Variants in HDAC9 observed in about 807,000 individuals in gnomAD.
HDAC9 encodes the protein histone deacetylase 9, also known as MEF-2 interacting transcription repressor (MITR) protein.
In HDAC9, 41 loss-of-function variants were observed where a neutral mutation model predicts 139.4. The ratio of observed to expected loss-of-function variants is 0.29; its 90% CI spans 0.23 to 0.38. The LOEUF (loss-of-function observed/expected upper bound fraction) is 0.38, where lower values mean the gene tolerates loss of function less well. Ranked by LOEUF, HDAC9 falls within the 10% of genes least tolerant of loss-of-function variation. The probability of loss-of-function intolerance (pLI) is 1.00; values close to 1 mark genes in which losing one functional copy is unlikely to be tolerated. For synonymous variants in HDAC9, 517 were observed against 476.2 expected (o/e 1.09, Z -1.12); for missense variants, 1,147 against 1,297.0 (o/e 0.88, Z 1.78).
At chr7:18,386,695 T>G (rs1217374642) in intron 1 of HDAC9, among the ~76,000 whole-genome samples, 2 of 152,338 alleles carry the variant, frequency 1.3e-5, no homozygotes, top group East Asian at 3.9e-4. Context: ...TCATCACGAT[T>G]AAACCATAGC....
chr7:18,363,155 A>G (rs1783914412), intron 1 of HDAC9, among the ~76,000 whole-genome samples: 1 of 152,218 alleles, frequency 6.6e-6, no homozygotes, highest in South Asian at 2.1e-4. Flanking sequence ...AAGGAAGGCT[A>G]GGATTTAATA....
intron 12 of HDAC9, among the ~76,000 whole-genome samples, chr7:18,690,772 A>G (rs946300209): frequency 6.6e-6 from 1 of 152,030 alleles, no homozygotes; most frequent in Non-Finnish European, 1.5e-5. Context: ...TGCAAACAAG[A>G]CGTACGGCAT....
chr7:18,353,579 G>A (rs1217131580), intron 1 of HDAC9, among the ~76,000 whole-genome samples: 1 of 152,138 alleles, frequency 6.6e-6, no homozygotes. Context: ...TATTCCCTGA[G>A]TGCAAATGAA....
Position 18,591,613 on chromosome 7 carries a change from C to T in HDAC9, c.513C>T (p.Ser171=), listed in dbSNP as rs757411806. ...CTCCAACTAATGGAAAAAATCATTC[C>T]GTGAGCCGCCATCCCAAGCTCTGGT... is the stretch of plus-strand genomic sequence containing the variant. ...KDTPTNGKNH[S]VSRHPKLWYT... is the part of the protein sequence containing the mutation. The change falls in exon 5 of 26, where the codon TCC becomes TCT. Residue 171 remains serine (S), a synonymous_variant. Coordinates refer to ENST00000686413, the MANE Select transcript of HDAC9 (RefSeq NM_178425.4). 8.1e-6 allele frequency: 13 copies of T among 1,612,932 alleles called. No homozygotes were observed. Among genetic ancestry groups the T allele is most frequent in the Middle Eastern group, 1.6e-4 (1 of 6,078 alleles).
chr7:18,800,595 G>A (rs1260788397), intron 17 of HDAC9, among the ~76,000 whole-genome samples: 5 of 152,154 alleles, frequency 3.3e-5, no homozygotes, highest in African/African-American at 4.8e-5. Context: ...CACTTAAGGA[G>A]GCTGAAGTGG....
chr7:18,265,250 T>A (rs1795923099), intron 2 of HDAC9, among the ~76,000 whole-genome samples: 1 of 152,200 alleles, frequency 6.6e-6, no homozygotes, highest in Non-Finnish European at 1.5e-5. Flanking sequence ...TTGATGCACT[T>A]TCAATTATAA....
intron 12 of HDAC9, among the ~76,000 whole-genome samples, chr7:18,675,778 C>G: frequency 6.6e-6 from 1 of 152,002 alleles, no homozygotes; most frequent in East Asian, 1.9e-4. Flanking sequence ...AGGGTTGATT[C>G]AGCTGCAGCC....
intron 13 of HDAC9, among the ~76,000 whole-genome samples, chr7:18,729,747 A>C (rs967705199): frequency 6.6e-6 from 1 of 152,210 alleles, no homozygotes; most frequent in Non-Finnish European, 1.5e-5. Flanking sequence ...CAAATAGGAA[A>C]GTGAACTTAA....
chr7:18,845,651 G>A (rs137909281), intron 21 of HDAC9, among the ~76,000 whole-genome samples: 1 of 152,148 alleles, frequency 6.6e-6, no homozygotes, highest in African/African-American at 2.4e-5. Flanking sequence ...TGGTCTCATA[G>A]TTCTTTTTCA....
chr7:18,237,336 A>G (rs1306982175), intron 2 of HDAC9, among the ~76,000 whole-genome samples: 2 of 152,244 alleles, frequency 1.3e-5, no homozygotes, highest in Non-Finnish European at 2.9e-5. Flanking sequence ...TAAATTACCA[A>G]CTGCAATTTA....
At chr7:18,670,325 T>C (rs574401778) in intron 12 of HDAC9, among the ~76,000 whole-genome samples, 4 of 152,124 alleles carry the variant, frequency 2.6e-5, no homozygotes, top group East Asian at 3.9e-4. Flanking sequence ...CAAAGGAAAT[T>C]TGGAATGTGA....
chr7:18,412,707 T>G lies in HDAC9; in HGVS notation c.-41-83555T>G, dbSNP rs1788687353. On this transcript the variant is annotated intron_variant, in intron 1 of 3. Coordinates refer to the HDAC9 transcript ENST00000413509. The stretch of plus-strand genomic sequence containing the variant: ...AAAACAAAGTGAATGTTATTCATAA[T>G]AAAAAGTATATGCCACATGCAACAG... Among the ~76,000 whole-genome samples, 3 of 152,144 alleles carry G rather than the reference T, an allele frequency of 2.0e-5. No individual in the cohort carries two copies. In the South Asian group the frequency reaches 6.2e-4, roughly 31 times the overall value.
At position 18,675,580 on chromosome 7, in the gene HDAC9, C is replaced by G. The variant is rs1038388705; in HGVS notation, c.1731+9104C>G. On this transcript the variant is annotated intron_variant, in intron 12 of 25. Transcript: ENST00000686413. The stretch of plus-strand genomic sequence containing the variant: ...TTTGTTCTCCTTGGTAGGAGCTGAC[C>G]TTACACTCAATATCAATCTTTAATA... Among the ~76,000 whole-genome samples, 3 of 151,942 alleles carry G rather than the reference C, an allele frequency of 2.0e-5. No homozygotes were observed. The South Asian group carries it at 6.2e-4, about 32-fold the overall frequency.
At chr7:18,200,332 A>G (rs1278572074) in intron 2 of HDAC9, among the ~76,000 whole-genome samples, 1 of 152,070 alleles carries the variant, frequency 6.6e-6, no homozygotes, top group Non-Finnish European at 1.5e-5. Context: ...TCTTATATAA[A>G]CCTCCATTTG....
intron 1 of HDAC9, among the ~76,000 whole-genome samples, chr7:18,303,933 C>G (rs1414953434): frequency 6.6e-6 from 1 of 152,202 alleles, no homozygotes; most frequent in African/African-American, 2.4e-5. Flanking sequence ...TGCTGAGGTC[C>G]TGCCAACCTG....
intron 2 of HDAC9, among the ~76,000 whole-genome samples, chr7:18,214,271 C>G (rs1023281460): frequency 6.6e-6 from 1 of 152,050 alleles, no homozygotes; most frequent in Non-Finnish European, 1.5e-5. Context: ...TGAAGCTACT[C>G]TTGTATTAAT....
chr7:18,879,258 C>T (rs1184188310), intron 22 of HDAC9, among the ~76,000 whole-genome samples: 2 of 152,238 alleles, frequency 1.3e-5, no homozygotes, highest in African/African-American at 4.8e-5. Context: ...AGATTCAATG[C>T]TATTTCTATC....
At chr7:18,637,264 T>A (rs569289750) in intron 8 of HDAC9, among the ~76,000 whole-genome samples, 1 of 152,100 alleles carries the variant, frequency 6.6e-6, no homozygotes, top group African/African-American at 2.4e-5. Flanking sequence ...CTAAAGAAGA[T>A]ACATATATTC....
chr7:18,459,507 A>C (rs145221342), intron 1 of HDAC9, among the ~76,000 whole-genome samples: 27 of 152,076 alleles, frequency 1.8e-4, no homozygotes, highest in African/African-American at 6.3e-4. Context: ...AAGCAATTTT[A>C]TAACAGGTAA....
Sources: allele counts gnomAD v4.1 joint callset (sites outside exome capture counted in the v4.1 genomes callset), GRCh38; gene constraint gnomAD v4.1.1; transcripts MANE v1.5; gene names NCBI Gene and HGNC (gene_info 2026-07-23, HGNC 2026-07-21).